The following CNTNAP5 variants were observed in gnomAD, a reference collection of about 807,000 sequenced individuals.
The protein encoded by CNTNAP5 is contactin associated protein family member 5.
Under a neutral mutation model 150.2 loss-of-function variants are expected in CNTNAP5, and 72 were observed. The ratio of observed to expected loss-of-function variants is 0.48; its 90% confidence interval spans 0.40 to 0.58. CNTNAP5 has a LOEUF of 0.58. Among genes scored for constraint, CNTNAP5 ranks in the 20% least tolerant of loss-of-function variants. The pLI is 0.00. For missense variants in CNTNAP5, 1,636 were observed against 1,626.2 expected (o/e 1.01, Z -0.10); for synonymous variants, 672 against 619.8 (o/e 1.08, Z -1.25).
intron 3 of CNTNAP5, among the ~76,000 whole-genome samples, chr2:124,320,183 C>T (rs1689064210): frequency 6.6e-6 from 1 of 152,166 alleles, no homozygotes; most frequent in South Asian, 2.1e-4. Flanking sequence ...CTATAGCCTA[C>T]CTTCCCTGCA....
intron 13 of CNTNAP5, among the ~76,000 whole-genome samples, chr2:124,732,078 A>G (rs1472135594): frequency 6.6e-6 from 1 of 152,110 alleles, no homozygotes; most frequent in African/African-American, 2.4e-5. Flanking sequence ...AAAATGTATT[A>G]CAATGCAAAA....
chr2:124,748,242 G>T (rs926690731), intron 14 of CNTNAP5, among the ~76,000 whole-genome samples: 2 of 152,014 alleles, frequency 1.3e-5, no homozygotes, highest in African/African-American at 2.4e-5. Context: ...AGTATCTATT[G>T]CAGAGATGTT....
At chr2:124,781,663 C>A (rs1198000897) in intron 17 of CNTNAP5, among the ~76,000 whole-genome samples, 2 of 146,026 alleles carry the variant, frequency 1.4e-5, no homozygotes, top group African/African-American at 5.1e-5. Flanking sequence ...AACGTGGACA[C>A]TGCATTCCCC....
intron 6 of CNTNAP5, among the ~76,000 whole-genome samples, chr2:124,448,077 G>A (rs1383200793): frequency 6.6e-6 from 1 of 151,868 alleles, no homozygotes; most frequent in East Asian, 1.9e-4. Flanking sequence ...GACCATCCTG[G>A]CTAACATGGT....
intron 1 of CNTNAP5, among the ~76,000 whole-genome samples, chr2:124,182,774 C>T (rs1455799310): frequency 2.0e-5 from 3 of 152,100 alleles, no homozygotes; most frequent in Non-Finnish European, 2.9e-5. Context: ...GGTTTTCTTG[C>T]CATTCATCTT....
At chr2:124,861,239 A>G (rs1677517904) in intron 19 of CNTNAP5, among the ~76,000 whole-genome samples, 1 of 152,016 alleles carries the variant, frequency 6.6e-6, no homozygotes, top group Non-Finnish European at 1.5e-5. Flanking sequence ...TCAATTTTTT[A>G]GAAAAACAGC....
At chr2:124,191,594 A>G (rs1685458590) in intron 1 of CNTNAP5, among the ~76,000 whole-genome samples, 1 of 152,156 alleles carries the variant, frequency 6.6e-6, no homozygotes, top group Non-Finnish European at 1.5e-5. Context: ...ATTCGATATT[A>G]GGAGAGTACA....
rs1201077105 is a variant in CNTNAP5 at position 124,524,375 on chromosome 2, T to G, written c.1400T>G (p.Leu467Arg). Residue 467 changes from leucine (L) to arginine (R), a missense_variant, in exon 9 of 24, where the codon CTG becomes CGG. Leu to Arg is a moderately radical substitution (Grantham distance 102, BLOSUM62 -2). Transcript: ENST00000682447. The stretch of plus-strand genomic sequence containing the variant: ...AGGAGGAACCGCATCACGCTCACTC[T>G]GGATGATGAAGCAGCACCCCCGGCT... ...NARRNRITLT[L>R]DDEAAPPAPD... 6.2e-7 allele frequency: 1 copy of G among 1,613,738 alleles called. No individual in the cohort carries two copies. Among genetic ancestry groups the G allele is most frequent in the Non-Finnish European group, 8.5e-7 (1 of 1,179,816 alleles).
intron 1 of CNTNAP5, among the ~76,000 whole-genome samples, chr2:124,142,377 C>T (rs1198310749): frequency 6.6e-6 from 1 of 150,974 alleles, no homozygotes; most frequent in Non-Finnish European, 1.5e-5. Flanking sequence ...CAAAATTGAC[C>T]ACATAGTTGG....
At chr2:124,760,366 T>C (rs1416960194) in intron 14 of CNTNAP5, among the ~76,000 whole-genome samples, 1 of 152,032 alleles carries the variant, frequency 6.6e-6, no homozygotes, top group Non-Finnish European at 1.5e-5. Context: ...CCAAATTATA[T>C]ACTAAAATAA....
In CNTNAP5 at chr2:124,434,672, C is replaced by T. The variant is rs751901859; in HGVS notation, c.718C>T (p.Leu240=). The change falls in exon 5 of 24, where the codon CTA becomes TTA. Residue 240 remains leucine, a synonymous_variant. Transcript: ENST00000682447. ...TLELQKGRLA[L]HLNLGDSKAR... ...GGAACTCCAGAAGGGGAGGCTCGCCCTACACCTCAATTTGGGTAGGCTCAG... is the reference window on the plus strand; with the variant it reads ...GGAACTCCAGAAGGGGAGGCTCGCCTTACACCTCAATTTGGGTAGGCTCAG... The T allele has an allele frequency of 1.2e-6, 2 of 1,611,658 alleles. No homozygotes were observed. Among genetic ancestry groups the T allele is most frequent in the East Asian group, 2.2e-5 (1 of 44,824 alleles).
intron 21 of CNTNAP5, among the ~76,000 whole-genome samples, chr2:124,887,842 C>A (rs1035502298): frequency 6.6e-6 from 1 of 152,104 alleles, no homozygotes; most frequent in Non-Finnish European, 1.5e-5. Context: ...ATGGGACAGA[C>A]AGGCGAGTCC....
At chr2:124,179,398 G>A (rs1047663963) in intron 1 of CNTNAP5, among the ~76,000 whole-genome samples, 3 of 152,080 alleles carry the variant, frequency 2.0e-5, no homozygotes, top group Non-Finnish European at 4.4e-5. Context: ...GACCTTAGGT[G>A]ATCTGCCCGC....
chr2:124,378,157 T>G (rs1428929389), intron 3 of CNTNAP5, among the ~76,000 whole-genome samples: 1 of 152,016 alleles, frequency 6.6e-6, no homozygotes, highest in African/African-American at 2.4e-5. Flanking sequence ...GGTATATATA[T>G]CCATCACAAA....
chr2:124,316,407 T>C (rs1382837534), intron 3 of CNTNAP5, among the ~76,000 whole-genome samples: 1 of 152,196 alleles, frequency 6.6e-6, no homozygotes, highest in African/African-American at 2.4e-5. Flanking sequence ...ATATCTATAA[T>C]ACATAAGTCA....
intron 19 of CNTNAP5, among the ~76,000 whole-genome samples, chr2:124,834,277 C>A (rs1682778233): frequency 6.6e-6 from 1 of 152,150 alleles, no homozygotes; most frequent in Non-Finnish European, 1.5e-5. Context: ...TGTCTAGTAT[C>A]TTTAATAATA....
At chr2:124,898,416 A>C (rs903695385) in intron 21 of CNTNAP5, among the ~76,000 whole-genome samples, 3 of 151,498 alleles carry the variant, frequency 2.0e-5, no homozygotes, top group Non-Finnish European at 2.9e-5. Flanking sequence ...TCCTGGATTC[A>C]TTCTATCACT....
chr2:124,686,918 C>T (rs1338947742), intron 13 of CNTNAP5, among the ~76,000 whole-genome samples: 1 of 152,066 alleles, frequency 6.6e-6, no homozygotes, highest in Non-Finnish European at 1.5e-5. Context: ...GCAGCACTGC[C>T]CAATAGAACT....
intron 7 of CNTNAP5, among the ~76,000 whole-genome samples, chr2:124,482,905 G>C (rs1693793277): frequency 6.6e-6 from 1 of 152,160 alleles, no homozygotes; most frequent in South Asian, 2.1e-4. Context: ...TTTTATGTGA[G>C]TGTTTCAAAA....
Sources: allele counts gnomAD v4.1 joint callset (sites outside exome capture counted in the v4.1 genomes callset), GRCh38; gene constraint gnomAD v4.1.1; transcripts MANE v1.5; gene names NCBI Gene and HGNC (gene_info 2026-07-23, HGNC 2026-07-21).